The following ELOVL7 variants were observed in gnomAD, a reference collection of about 807,000 sequenced individuals.
ELOVL7 encodes the protein very long chain fatty acid elongase 7.
ELOVL7 carries 27 observed loss-of-function variants against 35.7 expected under a neutral mutation model. The ratio of observed to expected loss-of-function variants is 0.76; its 90% CI spans 0.56 to 1.04. The LOEUF is 1.04. Ranked by LOEUF, ELOVL7 falls within the 50% of genes least tolerant of loss-of-function variation. ELOVL7 has a pLI of 0.00. For missense variants in ELOVL7, 327 were observed against 340.8 expected, an observed-to-expected ratio of 0.96 and a Z score of 0.32; for synonymous variants, 113 against 114.6, an observed-to-expected ratio of 0.99 and a Z score of 0.09.
chr5:60,780,372 G>A (rs546223921), intron 3 of ELOVL7, among the ~76,000 whole-genome samples: 4 of 151,926 alleles, frequency 2.6e-5, no homozygotes, highest in Non-Finnish European at 4.4e-5. Flanking sequence ...CACCCGCCTC[G>A]GCCTCCCAAA....
intron 1 of ELOVL7, among the ~76,000 whole-genome samples, chr5:60,824,615 T>A (rs892650571): frequency 1.3e-5 from 2 of 152,246 alleles, no homozygotes; most frequent in Non-Finnish European, 2.9e-5. Flanking sequence ...CCTCCATTTC[T>A]TTCTACATAA....
At position 60,764,254 on chromosome 5, in the gene ELOVL7, A is replaced by G; in HGVS notation, c.472T>C (p.Trp158Arg). Residue 158 changes from tryptophan to arginine, a missense_variant, in exon 7 of 9, where the codon TGG becomes CGG. By Grantham distance (101) the Trp-to-Arg change is moderately radical. Coordinates refer to ENST00000508821, the MANE Select transcript of ELOVL7 (RefSeq NM_024930.3). Reference protein sequence around the residue: ...VFHHTIMPWTWWFGVKFAAGG... With the variant: ...VFHHTIMPWTRWFGVKFAAGG... The stretch of plus-strand genomic sequence containing the variant: ...GCAGCAAATTTGACTCCAAACCACC[A>G]GGTCCACGGCATGATGGTATGATGG... The G allele has an allele frequency of 6.2e-7, 1 of 1,613,594 alleles. No homozygotes were observed.
chr5:60,832,169 G>A (rs1161796549), intron 1 of ELOVL7, among the ~76,000 whole-genome samples: 1 of 152,108 alleles, frequency 6.6e-6, no homozygotes, highest in Admixed American at 6.5e-5. Flanking sequence ...GGTGACCTTG[G>A]GGAAAATCAC....
intron 1 of ELOVL7, among the ~76,000 whole-genome samples, chr5:60,841,320 C>T (rs1209083499): frequency 6.6e-6 from 1 of 152,002 alleles, no homozygotes; most frequent in Non-Finnish European, 1.5e-5. Context: ...ACCACTGTGC[C>T]CAGCCTGAGA....
At chr5:60,825,360 T>C (rs13164123) in intron 1 of ELOVL7, among the ~76,000 whole-genome samples, 1 of 152,208 alleles carries the variant, frequency 6.6e-6, no homozygotes, top group Non-Finnish European at 1.5e-5. Context: ...TGCTAAAATG[T>C]CACCACTCCA....
rs572543281 is a variant in ELOVL7, at chr5:60,769,814, C to T, written c.256-1911G>A. The stretch of plus-strand genomic sequence containing the variant: ...CCTGTAATCCTAGCACTTTGGGAGG[C>T]TCAGGCAGGTGGATCACTAGAGTCT... On this transcript the variant is annotated intron_variant, in intron 4 of 8. Coordinates refer to ENST00000508821, the MANE Select transcript of ELOVL7 (RefSeq NM_024930.3). 1.6e-4 allele frequency among the ~76,000 whole-genome samples: 24 copies of T among 152,264 alleles called. No individual in the cohort carries two copies. The East Asian group carries it at 4.2e-3, about 27-fold the overall frequency.
chr5:60,783,323 CT>C (rs1204802117), intron 3 of ELOVL7, among the ~76,000 whole-genome samples: 1 of 152,198 alleles, frequency 6.6e-6, no homozygotes, highest in Non-Finnish European at 1.5e-5. Context: ...CTCTCCCTTA[CT>C]GAGAAATAAA....
At chr5:60,802,471 C>A (rs1744703823) in intron 1 of ELOVL7, among the ~76,000 whole-genome samples, 2 of 152,096 alleles carry the variant, frequency 1.3e-5, no homozygotes, top group Admixed American at 6.5e-5. Context: ...GAAGGTCACT[C>A]AGGAACGATA....
At chr5:60,836,158 CATTTT>C (rs1746788283) in intron 1 of ELOVL7, among the ~76,000 whole-genome samples, 1 of 152,118 alleles carries the variant, frequency 6.6e-6, no homozygotes, top group East Asian at 1.9e-4. Context: ...TATATATACA[CATTTT>C]ATTTAAAAAC....
At chr5:60,843,347 A>G (rs1747295588) in intron 1 of ELOVL7, 1 of 98,152 alleles carries the variant, frequency 1.0e-5, no homozygotes, top group Non-Finnish European at 2.7e-5. Context: ...GGGAAAGCCC[A>G]TTTCCCAACG....
intron 1 of ELOVL7, among the ~76,000 whole-genome samples, chr5:60,842,711 A>G (rs1747249791): frequency 1.3e-5 from 2 of 152,168 alleles, no homozygotes; most frequent in Admixed American, 1.3e-4. Flanking sequence ...AGAACCCCAG[A>G]GCTGGAATCT....
At chr5:60,798,651 A>C (rs1250020310) in intron 2 of ELOVL7, among the ~76,000 whole-genome samples, 2 of 152,246 alleles carry the variant, frequency 1.3e-5, no homozygotes, top group Non-Finnish European at 2.9e-5. Flanking sequence ...CAATTCATCA[A>C]GAGAATATAA....
intron 1 of ELOVL7, among the ~76,000 whole-genome samples, chr5:60,800,030 CAAAAAAAA>C (rs58041305): frequency 3.5e-5 from 3 of 86,182 alleles, no homozygotes; most frequent in Admixed American, 1.4e-4. Context: ...AACTCCATCT[CAAAAAAAA>C]AAAAAAAAAA....
At chr5:60,795,866 C>T (rs1318471501) in intron 2 of ELOVL7, among the ~76,000 whole-genome samples, 4 of 152,182 alleles carry the variant, frequency 2.6e-5, no homozygotes, top group African/African-American at 9.7e-5. Context: ...ACACTCACCG[C>T]ATGGCCCAAG....
At chr5:60,826,567 G>T (rs1746184164) in intron 1 of ELOVL7, among the ~76,000 whole-genome samples, 1 of 152,102 alleles carries the variant, frequency 6.6e-6, no homozygotes, top group African/African-American at 2.4e-5. Context: ...GCCAGTGCCT[G>T]TTTTTTAACA....
chr5:60,782,849 G>A (rs1743344481), intron 3 of ELOVL7, among the ~76,000 whole-genome samples: 1 of 152,126 alleles, frequency 6.6e-6, no homozygotes, highest in African/African-American at 2.4e-5. Flanking sequence ...TTCAACAGAA[G>A]AAATATCTTT....
At chr5:60,780,779 T>C (rs1226904164) in intron 3 of ELOVL7, among the ~76,000 whole-genome samples, 4 of 152,190 alleles carry the variant, frequency 2.6e-5, no homozygotes, top group East Asian at 1.9e-4. Flanking sequence ...GAGAAGAGCA[T>C]GGGGGAACTG....
chr5:60,803,548 T>A (rs964972742), intron 1 of ELOVL7, among the ~76,000 whole-genome samples: 1 of 152,194 alleles, frequency 6.6e-6, no homozygotes, highest in Admixed American at 6.5e-5. Context: ...TAAGACTTGT[T>A]AGTGAATTAC....
At chr5:60,837,920 G>C (rs1047381786) in intron 1 of ELOVL7, among the ~76,000 whole-genome samples, 2 of 152,128 alleles carry the variant, frequency 1.3e-5, no homozygotes, top group African/African-American at 4.8e-5. Context: ...TGGGCAACAA[G>C]AGCAAAACTC....
Sources: gnomAD v4.1 joint callset for allele counts (sites outside exome capture counted in the v4.1 genomes callset) on GRCh38, gnomAD v4.1.1 for gene constraint, MANE v1.5 for transcripts, NCBI Gene and HGNC (gene_info 2026-07-23, HGNC 2026-07-21) for gene names.